GABRG3: variants seen among roughly 807,000 people sequenced by gnomAD.
The protein encoded by GABRG3 is gamma-aminobutyric acid type A receptor subunit gamma3, also known as gamma-aminobutyric acid receptor subunit gamma-3.
Under a neutral mutation model 48.8 loss-of-function variants are expected in GABRG3, and 25 were observed. The observed-to-expected ratio is 0.51, with a 90% CI of 0.37 to 0.72. The LOEUF is 0.72. Among genes scored for constraint, GABRG3 ranks in the 30% least tolerant of loss-of-function variants. GABRG3 has a pLI of 0.00. For missense variants in GABRG3, 394 were observed against 577.9 expected (o/e 0.68, Z 3.26); for synonymous variants, 227 against 217.6 (o/e 1.04, Z -0.38).
intron 3 of GABRG3, among the ~76,000 whole-genome samples, chr15:27,050,914 A>G (rs1896445195): frequency 6.6e-6 from 1 of 152,180 alleles, no homozygotes; most frequent in Admixed American, 6.5e-5. Context: ...GCTATTGCAA[A>G]TTATGTAGTT....
intron 6 of GABRG3, among the ~76,000 whole-genome samples, chr15:27,509,966 G>A (rs1288865106): frequency 6.6e-6 from 1 of 152,160 alleles, no homozygotes; most frequent in Non-Finnish European, 1.5e-5. Context: ...TACATTTTAT[G>A]TATGCTTAGA....
At chr15:27,137,470 T>C (rs1466025949) in intron 3 of GABRG3, among the ~76,000 whole-genome samples, 1 of 152,208 alleles carries the variant, frequency 6.6e-6, no homozygotes, top group African/African-American at 2.4e-5. Flanking sequence ...AGATTCTCTT[T>C]CCAAATGTGA....
intron 3 of GABRG3, among the ~76,000 whole-genome samples, chr15:27,252,540 C>T (rs1566980795): frequency 2.6e-5 from 4 of 152,198 alleles, no homozygotes; most frequent in Non-Finnish European, 4.4e-5. Context: ...ATACTAGCGC[C>T]GTCTGTTAAA....
intron 5 of GABRG3, among the ~76,000 whole-genome samples, chr15:27,475,450 G>A (rs978545224): frequency 2.0e-5 from 3 of 152,022 alleles, no homozygotes; most frequent in Admixed American, 6.6e-5. Flanking sequence ...GATGATGATG[G>A]CGATGATTGT....
At chr15:27,151,315 A>G (rs1260397356) in intron 3 of GABRG3, among the ~76,000 whole-genome samples, 2 of 151,260 alleles carry the variant, frequency 1.3e-5, no homozygotes, top group Non-Finnish European at 2.9e-5. Context: ...ATTAAAGAAT[A>G]TGACACAAAG....
intron 2 of GABRG3, among the ~76,000 whole-genome samples, chr15:27,022,991 G>A (rs1277032991): frequency 6.6e-6 from 1 of 152,146 alleles, no homozygotes; most frequent in Non-Finnish European, 1.5e-5. Flanking sequence ...AGGCTTAGCT[G>A]GCGGATCTTT....
chr15:27,251,010 C>T (rs1201537572), intron 3 of GABRG3, among the ~76,000 whole-genome samples: 2 of 152,178 alleles, frequency 1.3e-5, no homozygotes, highest in Non-Finnish European at 2.9e-5. Flanking sequence ...TCCACACTTG[C>T]AGGTCGCAGA....
chr15:27,239,584 A>T (rs1434243615), intron 3 of GABRG3, among the ~76,000 whole-genome samples: 2 of 152,208 alleles, frequency 1.3e-5, no homozygotes, highest in Non-Finnish European at 2.9e-5. Flanking sequence ...TTATTTTTCT[A>T]ATATGAAATT....
intron 3 of GABRG3, among the ~76,000 whole-genome samples, chr15:27,193,322 G>A (rs1888390069): frequency 6.6e-6 from 1 of 152,106 alleles, no homozygotes; most frequent in Non-Finnish European, 1.5e-5. Context: ...GCCCCCAGAG[G>A]TGAAGCCTAC....
intron 5 of GABRG3, among the ~76,000 whole-genome samples, chr15:27,337,515 G>T (rs1161484236): frequency 6.6e-6 from 1 of 151,946 alleles, no homozygotes; most frequent in Non-Finnish European, 1.5e-5. Context: ...GTGTAGAGCA[G>T]CCACATTTCA....
At chr15:27,503,630 A>G (rs1414663145) in intron 6 of GABRG3, among the ~76,000 whole-genome samples, 1 of 152,188 alleles carries the variant, frequency 6.6e-6, no homozygotes, top group Admixed American at 6.5e-5. Flanking sequence ...TGCACATACC[A>G]AGAATGTGTA....
chr15:27,201,037 C>T (rs1233989538), intron 3 of GABRG3, among the ~76,000 whole-genome samples: 2 of 152,038 alleles, frequency 1.3e-5, no homozygotes, highest in Admixed American at 6.6e-5. Context: ...TCCATTAATC[C>T]GAACAAATGT....
intron 3 of GABRG3, among the ~76,000 whole-genome samples, chr15:27,074,497 T>C (rs1595507724): frequency 6.6e-6 from 1 of 151,722 alleles, no homozygotes; most frequent in Admixed American, 6.6e-5. Context: ...GGCTGGGCCC[T>C]GTGCAAGCCA....
intron 3 of GABRG3, among the ~76,000 whole-genome samples, chr15:27,065,252 T>C (rs1046246745): frequency 1.3e-5 from 2 of 152,230 alleles, no homozygotes; most frequent in Middle Eastern, 3.2e-3. Context: ...GGAATTCTGC[T>C]TTATGATCTG....
At chr15:27,286,469 A>T (rs1286039615) in intron 3 of GABRG3, among the ~76,000 whole-genome samples, 2 of 152,236 alleles carry the variant, frequency 1.3e-5, no homozygotes, top group Non-Finnish European at 2.9e-5. Context: ...TGGGATAGGG[A>T]TACAGACAAA....
chr15:27,336,237 G>GAGAGAGAGAGAGAGAAAGAA (rs1566792015), intron 5 of GABRG3, among the ~76,000 whole-genome samples: 28 of 143,378 alleles, frequency 2.0e-4, no homozygotes, highest in African/African-American at 7.8e-4. Flanking sequence ...AGAGAGAGGA[G>GAGAGAGAGAGAGAGAAAGAA]AAGAAAAGAA....
chr15:27,378,950 G>A (rs1270844879), intron 5 of GABRG3, among the ~76,000 whole-genome samples: 1 of 152,170 alleles, frequency 6.6e-6, no homozygotes, highest in Non-Finnish European at 1.5e-5. Context: ...GTATGTGTAG[G>A]AGAAGTGCTC....
intron 4 of GABRG3, among the ~76,000 whole-genome samples, chr15:27,328,140 A>C (rs531381852): frequency 2.0e-5 from 3 of 149,114 alleles, no homozygotes; most frequent in African/African-American, 7.7e-5. Context: ...AAAAAAAAAA[A>C]ACACGCCACA....
chr15:27,370,650 G>A (rs188697881), intron 5 of GABRG3, among the ~76,000 whole-genome samples: 24 of 152,270 alleles, frequency 1.6e-4, no homozygotes, highest in Admixed American at 1.1e-3. Flanking sequence ...TTAGCTGCTC[G>A]TTTAAAGAAA....
Sources: gnomAD v4.1 joint callset for allele counts (sites outside exome capture counted in the v4.1 genomes callset) on GRCh38, gnomAD v4.1.1 for gene constraint, MANE v1.5 for transcripts, NCBI Gene and HGNC (gene_info 2026-07-23, HGNC 2026-07-21) for gene names.